Variants in NETO2 observed in about 807,000 individuals in gnomAD.
NETO2 encodes neuropilin and tolloid like 2, also known as neuropilin and tolloid-like protein 2.
NETO2 carries 28 observed loss-of-function variants against 62.5 expected under a neutral mutation model. The observed-to-expected ratio is 0.45, with a 90% confidence interval of 0.33 to 0.61. The LOEUF (loss-of-function observed/expected upper bound fraction) is 0.61, where lower values mean the gene tolerates loss of function less well. NETO2 is among the 20% of genes least tolerant of loss of function. The probability of loss-of-function intolerance (pLI) is 0.02; values close to 1 mark genes in which losing one functional copy is unlikely to be tolerated. For missense variants in NETO2, 548 were observed against 643.2 expected (o/e 0.85, Z 1.60); for synonymous variants, 214 against 219.1 (o/e 0.98, Z 0.21).
At chr16:47,094,227 T>TA (rs907804211) in intron 7 of NETO2, among the ~76,000 whole-genome samples, 4 of 142,978 alleles carry the variant, frequency 2.8e-5, no homozygotes, top group African/African-American at 7.7e-5. Context: ...ATAAGCAAAA[T>TA]AAAAAAAAAT....
chr16:47,091,480 A>G (rs1414407146), intron 7 of NETO2, among the ~76,000 whole-genome samples: 2 of 152,260 alleles, frequency 1.3e-5, no homozygotes, highest in Non-Finnish European at 2.9e-5. Flanking sequence ...AAGTAGCCAC[A>G]TTAAAAAGTA....
rs189805285 is a variant in NETO2, at chr16:47,109,802, G to A, written c.655-91C>T. ...TTTTCCACAGACAACATGGGACACC[G>A]AATGACAGCTGACAGAAAACCATAA... On this transcript the variant is annotated intron_variant, in intron 6 of 8. Coordinates refer to ENST00000562435, the MANE Select transcript of NETO2 (RefSeq NM_018092.5). The A allele has an allele frequency of 2.7e-3, 2,241 of 834,728 alleles. 9 individuals are homozygous for A. The highest frequency in any genetic ancestry group is 2.6e-3 in the Non-Finnish European group (1,391 of 529,000). The allele number at this position is 834,728 out of a possible 1,614,324, so 51.7% of individuals were successfully genotyped here. A position where few individuals can be genotyped will look rare whatever the true frequency, so the allele number is the denominator to read the frequency against.
chr16:47,100,812 T>A (rs922836544), intron 7 of NETO2, among the ~76,000 whole-genome samples: 1 of 152,162 alleles, frequency 6.6e-6, no homozygotes, highest in Non-Finnish European at 1.5e-5. Context: ...CAGTAATTAA[T>A]AGCCTACCAA....
intron 8 of NETO2, among the ~76,000 whole-genome samples, chr16:47,085,727 G>A (rs1209484224): frequency 6.6e-6 from 1 of 151,998 alleles, no homozygotes; most frequent in Admixed American, 6.6e-5. Context: ...GACAAAAAAT[G>A]CTTTTGTTTA....
rs1224753744 is a variant in NETO2 at position 47,078,200 on chromosome 16, T to C, written c.*5021A>G. The C allele has an allele frequency of 2.0e-5, 3 of 152,240 alleles. No individual in the cohort carries two copies. Among genetic ancestry groups the C allele is most frequent in the African/African-American group, 4.8e-5 (2 of 41,466 alleles). The allele number at this position is 152,240 out of a possible 1,614,324, so 9.4% of individuals were successfully genotyped here. On this transcript the variant is annotated 3_prime_UTR_variant, in exon 9 of 9. Coordinates refer to ENST00000562435, the MANE Select transcript of NETO2 (RefSeq NM_018092.5). ...ACTAGGATTATTGTATTTTGGAAGC[T>C]AGTGGATAGGAAATGCCAACTTTGC...
chr16:47,104,119 C>A (rs1178733780), intron 7 of NETO2, among the ~76,000 whole-genome samples: 3 of 151,994 alleles, frequency 2.0e-5, no homozygotes, highest in Non-Finnish European at 4.4e-5. Context: ...ATGCAGAAAA[C>A]CCTAAAGATC....
intron 1 of NETO2, among the ~76,000 whole-genome samples, chr16:47,133,398 A>G (rs1020184901): frequency 6.6e-6 from 1 of 151,466 alleles, no homozygotes; most frequent in African/African-American, 2.4e-5. Flanking sequence ...CTACGGAAAA[A>G]AAAAAAAAAA....
At position 47,079,952 on chromosome 16, in the gene NETO2, T is replaced by A. The variant is rs1963034389; in HGVS notation, c.*3269A>T. ...CTCAAACAGGGAAGCATTCTTCTCA[T>A]CAGACATTGGCAGAACCATACAAAT... On this transcript the variant is annotated 3_prime_UTR_variant, in exon 9 of 9. Transcript: ENST00000562435. The A allele has an allele frequency of 6.6e-6, 1 of 152,206 alleles. No homozygotes were observed. The highest frequency in any genetic ancestry group is 2.4e-5 in the African/African-American group (1 of 41,450). The allele number at this position is 152,206 out of a possible 1,614,324, so 9.4% of individuals were successfully genotyped here.
chr16:47,092,959 G>A (rs756400631), intron 7 of NETO2, among the ~76,000 whole-genome samples: 6 of 152,184 alleles, frequency 3.9e-5, no homozygotes, highest in South Asian at 2.1e-4. Flanking sequence ...ATTGAATCCT[G>A]TGGATTCCGT....
intron 7 of NETO2, among the ~76,000 whole-genome samples, chr16:47,105,292 A>G (rs1477209447): frequency 3.3e-5 from 5 of 152,210 alleles, no homozygotes; most frequent in African/African-American, 1.2e-4. Flanking sequence ...TCCACATGAA[A>G]AAGAATGAAG....
chr16:47,087,536 C>T (rs1372827267), intron 7 of NETO2, among the ~76,000 whole-genome samples: 1 of 151,796 alleles, frequency 6.6e-6, no homozygotes, highest in Non-Finnish European at 1.5e-5. Context: ...AATGGTTGCA[C>T]AATAATGTGA....
chr16:47,128,671 TGC>T, intron 3 of NETO2, 98 bp from the exon 4 acceptor site: 7 of 1,305,922 alleles, frequency 5.4e-6, no homozygotes, highest in Non-Finnish European at 7.4e-6. Flanking sequence ...TTCTGCTAAC[TGC>T]TTCATAGACA....
chr16:47,139,048 T>C (rs1964414128), intron 1 of NETO2, among the ~76,000 whole-genome samples: 1 of 152,200 alleles, frequency 6.6e-6, no homozygotes, highest in African/African-American at 2.4e-5. Flanking sequence ...TTCATTATTA[T>C]ATTACCTGGT....
chr16:47,121,258 TC>T (rs1964033621), intron 6 of NETO2, among the ~76,000 whole-genome samples: 1 of 152,180 alleles, frequency 6.6e-6, no homozygotes, highest in Admixed American at 6.5e-5. Flanking sequence ...GTCGGTGAAC[TC>T]GTACCCATGG....
intron 7 of NETO2, among the ~76,000 whole-genome samples, chr16:47,107,590 G>A (rs1256260901): frequency 2.6e-5 from 4 of 152,118 alleles, no homozygotes; most frequent in African/African-American, 9.7e-5. Flanking sequence ...TTGGAAATGC[G>A]GCTGGTCCAG....
intron 7 of NETO2, among the ~76,000 whole-genome samples, chr16:47,102,056 A>G (rs1963559662): frequency 6.6e-6 from 1 of 152,198 alleles, no homozygotes; most frequent in African/African-American, 2.4e-5. Flanking sequence ...ACAGTAACCA[A>G]AACAGCAAGG....
intron 1 of NETO2, 98 bp downstream of exon 1, chr16:47,143,481 T>C: frequency 8.4e-7 from 1 of 1,187,836 alleles, no homozygotes; most frequent in Non-Finnish European, 1.0e-6. Flanking sequence ...GCGCGTCGGG[T>C]CCCGGGCGCG....
At chr16:47,131,204 G>A (rs552412725) in intron 2 of NETO2, among the ~76,000 whole-genome samples, 2 of 152,252 alleles carry the variant, frequency 1.3e-5, no homozygotes, top group South Asian at 2.1e-4. Flanking sequence ...TGCAAGGTAC[G>A]AGAACACTCA....
chr16:47,104,529 T>C (rs1032228238), intron 7 of NETO2, among the ~76,000 whole-genome samples: 2 of 152,114 alleles, frequency 1.3e-5, no homozygotes, highest in African/African-American at 2.4e-5. Flanking sequence ...GAAAAAGTCA[T>C]CCTAAAGTTC....
Sources: allele counts gnomAD v4.1 joint callset (sites outside exome capture counted in the v4.1 genomes callset), GRCh38; gene constraint gnomAD v4.1.1; transcripts MANE v1.5; gene names NCBI Gene and HGNC (gene_info 2026-07-23, HGNC 2026-07-21).